Variants in XKRX observed in about 807,000 individuals in gnomAD.
XKRX encodes the protein XK-related protein 2.
A neutral mutation model predicts 22.4 loss-of-function variants in XKRX; 11 were observed. The ratio of observed to expected loss-of-function variants is 0.49; its 90% CI spans 0.31 to 0.81. The LOEUF (loss-of-function observed/expected upper bound fraction) is 0.81. Ranked by LOEUF, XKRX falls within the 40% of genes least tolerant of loss-of-function variation. XKRX has a pLI of 0.05. For synonymous variants in XKRX, 114 were observed against 132.2 expected (o/e 0.86, Z 0.94); for missense variants, 320 against 336.5 (o/e 0.95, Z 0.38).
At chrX:100,902,243 A>G in the XKRX span, among the ~76,000 whole-genome samples, 1 of 111,949 alleles carries the variant, frequency 8.9e-6, no homozygotes, top group East Asian at 2.8e-4. Flanking sequence ...ATTAAAATAC[A>G]TCTTATCAAA....
chrX:100,897,278 T>C, the XKRX span, among the ~76,000 whole-genome samples: 1 of 111,073 alleles, frequency 9.0e-6, no homozygotes, highest in Admixed American at 9.7e-5. Context: ...TCATTATATT[T>C]TTCACATTTA....
chrX:100,890,137 G>A, the XKRX span, among the ~76,000 whole-genome samples: 2 of 111,517 alleles, frequency 1.8e-5, no homozygotes, highest in Non-Finnish European at 3.8e-5. Flanking sequence ...AGGGTAGGTG[G>A]GGAGAGGTAA....
At chrX:100,924,022 T>G (rs2085487874) in intron 1 of XKRX, among the ~76,000 whole-genome samples, 1 of 93,879 alleles carries the variant, frequency 1.1e-5, no homozygotes, top group African/African-American at 4.1e-5. Flanking sequence ...TTTTTTTTTT[T>G]TGTATTTTTA....
the XKRX span, among the ~76,000 whole-genome samples, chrX:100,902,418 G>A: frequency 7.2e-5 from 8 of 111,686 alleles, no homozygotes; most frequent in African/African-American, 9.7e-5. Flanking sequence ...CAGCATTACC[G>A]TAATACCAAG....
chrX:100,893,854 A>G, the XKRX span, among the ~76,000 whole-genome samples: 2 of 112,116 alleles, frequency 1.8e-5, no homozygotes, highest in Non-Finnish European at 3.8e-5. Context: ...AAAATTACCT[A>G]CTGGGTACAA....
chrX:100,907,983 A>G, the XKRX span, among the ~76,000 whole-genome samples: 7 of 112,122 alleles, frequency 6.2e-5, no homozygotes, highest in African/African-American at 2.3e-4. Flanking sequence ...TGTTAAAACA[A>G]TGCAAATCCA....
At chrX:100,912,509 C>A (rs1050136222), downstream of XKRX, among the ~76,000 whole-genome samples, 6 of 112,148 alleles carry the variant, frequency 5.4e-5, no homozygotes, top group African/African-American at 1.9e-4. Flanking sequence ...AACATAATGT[C>A]CTGACATTGG....
chrX:100,910,735 T>C (rs2147935498), downstream of XKRX: 2 of 688,422 alleles, frequency 2.9e-6, no homozygotes, highest in Middle Eastern at 5.0e-4. Context: ...ATATATTGAA[T>C]TACACTGTAA....
chrX:100,939,910 T>C, the XKRX span, among the ~76,000 whole-genome samples: 1 of 112,316 alleles, frequency 8.9e-6, no homozygotes, highest in African/African-American at 3.2e-5. Context: ...TCATCCTGTT[T>C]AGACTTATTT....
At chrX:100,931,075 T>C (rs146099566), upstream of XKRX, among the ~76,000 whole-genome samples, 2,762 of 107,358 alleles carry the variant, frequency 0.026, 80 homozygotes, top group African/African-American at 0.09. Flanking sequence ...GAAGTTGCAG[T>C]GAGCCAAGAT....
the XKRX span, among the ~76,000 whole-genome samples, chrX:100,902,910 C>T: frequency 3.7e-5 from 4 of 109,171 alleles, no homozygotes; most frequent in African/African-American, 1.3e-4. Flanking sequence ...CCACCATGCC[C>T]GGCTATTTTT....
chrX:100,956,868 G>A, the XKRX span: 1 of 832,102 alleles, frequency 1.2e-6, no homozygotes, highest in African/African-American at 2.0e-5. Context: ...CTAAAGTCAA[G>A]TCTAGCCTAG....
chrX:100,907,196 A>AT, the XKRX span, among the ~76,000 whole-genome samples: 3 of 108,427 alleles, frequency 2.8e-5, no homozygotes, highest in Non-Finnish European at 5.8e-5. Flanking sequence ...CACTTAAAAA[A>AT]TTTTTTTTTT....
At position 100,923,455 on chromosome X, in the gene XKRX, C is replaced by T. The variant is rs1280920350; in HGVS notation, c.336-394G>A. Among the ~76,000 whole-genome samples the T allele has an allele frequency of 5.3e-5, 6 of 112,174 alleles. No homozygotes were observed. In the Admixed American group the frequency reaches 5.7e-4, roughly 11 times the overall value. ...GGATCACACGTGTGAGACACCATGG[C>T]CAGCCTGCACTACTTTTTGTCTTTT... On this transcript the variant is annotated intron_variant, in intron 1 of 2. Transcript: ENST00000372956.
the XKRX span, among the ~76,000 whole-genome samples, chrX:100,937,045 G>T: frequency 1.3e-4 from 14 of 106,137 alleles, no homozygotes; most frequent in Non-Finnish European, 2.1e-4. Flanking sequence ...AGAATGGAGT[G>T]CAGTGGCGAG....
At chrX:100,916,077 CCACACACA>C (rs72334101) in intron 2 of XKRX, among the ~76,000 whole-genome samples, 80 of 97,058 alleles carry the variant, frequency 8.2e-4, no homozygotes, top group African/African-American at 2.7e-3. Context: ...TTAAGTTTTA[CCACACACA>C]CACACACACA....
the XKRX span, among the ~76,000 whole-genome samples, chrX:100,957,945 G>A: frequency 9.0e-6 from 1 of 111,190 alleles, no homozygotes; most frequent in Admixed American, 9.6e-5. Flanking sequence ...TGAGCATAGT[G>A]TGTGGACAGG....
chrX:100,888,546 G>A, the XKRX span: 9 of 569,203 alleles, frequency 1.6e-5, no homozygotes, highest in African/African-American at 1.4e-4. Flanking sequence ...CCAATGAAGA[G>A]CTTCCTCAGC....
At chrX:100,913,027 A>T, downstream of XKRX, among the ~76,000 whole-genome samples, 1 of 109,172 alleles carries the variant, frequency 9.2e-6, no homozygotes, top group Non-Finnish European at 1.9e-5. Flanking sequence ...GTGAAACCCC[A>T]TCTCTACTAA....
Sources: allele counts gnomAD v4.1 joint callset (sites outside exome capture counted in the v4.1 genomes callset), GRCh38; gene constraint gnomAD v4.1.1; transcripts MANE v1.5; gene names NCBI Gene and HGNC (gene_info 2026-07-23, HGNC 2026-07-21).